The following EPAS1 variants were observed in gnomAD, a reference collection of about 807,000 sequenced individuals.
The protein encoded by EPAS1 is endothelial PAS domain protein 1.
EPAS1 carries 23 observed loss-of-function variants against 87.9 expected under a neutral mutation model. The observed-to-expected ratio is 0.26, with a 90% CI of 0.19 to 0.37. EPAS1 has a LOEUF of 0.37. Among genes scored for constraint, EPAS1 ranks in the 10% least tolerant of loss-of-function variants. The pLI, the probability that EPAS1 is intolerant of heterozygous loss-of-function variation, is 1.00. For synonymous variants in EPAS1, 508 were observed against 444.3 expected (o/e 1.14, Z -1.80); for missense variants, 1,138 against 1,120.7 (o/e 1.02, Z -0.22).
At chr2:46,299,604 T>G (rs1042692520) in intron 1 of EPAS1, among the ~76,000 whole-genome samples, 2 of 151,734 alleles carry the variant, frequency 1.3e-5, no homozygotes, top group Non-Finnish European at 2.9e-5. Context: ...GGAGGGAACT[T>G]GTGTATTTTA....
rs754354401 is a variant in EPAS1 at position 46,382,513 on chromosome 2, G to A, written c.2376G>A (p.Gly792=). 5.6e-6 allele frequency: 9 copies of A among 1,614,120 alleles called. No homozygotes were observed. Among genetic ancestry groups the A allele is most frequent in the Non-Finnish European group, 6.8e-6 (8 of 1,180,034 alleles). Residue 792 remains glycine, a synonymous_variant, in exon 15 of 16, where the codon GGG becomes GGA. Transcript: ENST00000263734. ...LPQPPSAISP[G]ENSKSRFPPQ... ...AGCCTCCATCTGCCATCAGTCCCGG[G>A]GAGAACAGCAAGAGCAGGTTCCCCC...
In EPAS1 at chr2:46,371,393, G is replaced by A. The variant is rs975687330; in HGVS notation, c.886+1460G>A. The stretch of plus-strand genomic sequence containing the variant: ...CTCTGCCTCTTCCTCATGGCTTTTG[G>A]GTTTGATTTGACAGTACAACAGGGC... On this transcript the variant is annotated intron_variant, in intron 7 of 15. Transcript: ENST00000263734. This position sits in a 1 kb window ranked among gnomAD's most constrained non-coding sequence, Gnocchi z 4.3. Among the ~76,000 whole-genome samples, 1 of 151,916 alleles carries A rather than the reference G, an allele frequency of 6.6e-6. No individual in the cohort carries two copies. The highest frequency in any genetic ancestry group is 6.6e-5 in the Admixed American group (1 of 15,252).
In EPAS1 at chr2:46,382,399, G is replaced by A. The variant is rs17035089; in HGVS notation, c.2288-26G>A. On this transcript the variant is annotated intron_variant, in intron 14 of 15. Transcript: ENST00000263734. ...TCCCCTCCCTCAGGCCAATGCTACC[G>A]TCACTCTCTGACTTTGGTCTTTCAG... 11,810 of 1,613,846 alleles carry A rather than the reference G, an allele frequency of 7.3e-3. 722 individuals are homozygous for A. In the African/African-American group the frequency reaches 0.14, roughly 19 times the overall value.
In EPAS1 at chr2:46,382,404, T is replaced by C. The variant is rs1307036789; in HGVS notation, c.2288-21T>C. Reference sequence around the variant, plus strand: ...TCCCTCAGGCCAATGCTACCGTCACTCTCTGACTTTGGTCTTTCAGATAAG... The same window carrying C: ...TCCCTCAGGCCAATGCTACCGTCACCCTCTGACTTTGGTCTTTCAGATAAG... On this transcript the variant is annotated intron_variant, in intron 14 of 15. Transcript: ENST00000263734. The C allele has an allele frequency of 2.5e-6, 4 of 1,613,852 alleles. No homozygotes were observed. The East Asian group carries it at 8.9e-5, about 36-fold the overall frequency.
In EPAS1 at chr2:46,339,525, T is replaced by C. The variant is rs372900783; in HGVS notation, c.27-7348T>C. On this transcript the variant is annotated intron_variant, in intron 1 of 15. Coordinates refer to ENST00000263734, the MANE Select transcript of EPAS1 (RefSeq NM_001430.5). ...CTTATCTCTAAAATGGGAATGATGG[T>C]AGCTGCTCTTCCTAGCCTACTGTGT... Among the ~76,000 whole-genome samples the C allele has an allele frequency of 3.6e-4, 55 of 152,368 alleles. 1 individual carries two copies. In the East Asian group the frequency reaches 6.0e-3, roughly 17 times the overall value.
In EPAS1 at chr2:46,360,957, G is replaced by A. The variant is rs944566257; in HGVS notation, c.646G>A (p.Glu216Lys). Residue 216 changes from glutamate (E) to lysine (K), a missense_variant, in exon 6 of 16, where the codon GAG becomes AAG. Glu to Lys is a moderately conservative substitution (Grantham distance 56). Coordinates refer to ENST00000263734, the MANE Select transcript of EPAS1 (RefSeq NM_001430.5). This position sits in a 1 kb window ranked among gnomAD's most constrained non-coding sequence, Gnocchi z 4.5. ...TCACAATAGTCTGTGTGGCTACAAG[G>A]AGCCCCTGCTGTCCTGCCTCATCAT... ...PPHNSLCGYK[E>K]PLLSCLIIMC... 1.2e-6 allele frequency: 2 copies of A among 1,614,160 alleles called. No individual in the cohort carries two copies. Among genetic ancestry groups the A allele is most frequent in the Non-Finnish European group, 1.7e-6 (2 of 1,180,028 alleles).
chr2:46,363,954 T>C (rs1301957314), intron 6 of EPAS1, among the ~76,000 whole-genome samples: 1 of 152,238 alleles, frequency 6.6e-6, no homozygotes, highest in African/African-American at 2.4e-5. Context: ...AGACAGTTGA[T>C]GAAGTGACTA....
intron 1 of EPAS1, among the ~76,000 whole-genome samples, chr2:46,330,162 A>G (rs1412695818): frequency 6.6e-6 from 1 of 152,192 alleles, no homozygotes; most frequent in African/African-American, 2.4e-5. Flanking sequence ...GCTTTAAATC[A>G]TGACAGAATC....
intron 1 of EPAS1, among the ~76,000 whole-genome samples, chr2:46,344,698 TGAAGGTTGGAAG>T (rs1247283622): frequency 6.6e-6 from 1 of 152,136 alleles, no homozygotes; most frequent in Non-Finnish European, 1.5e-5. Context: ...GTAGGTGTCC[TGAAGGTTGGAAG>T]TCAGGGAGAG....
chr2:46,327,655 A>C (rs1214358742), intron 1 of EPAS1, among the ~76,000 whole-genome samples: 1 of 152,264 alleles, frequency 6.6e-6, no homozygotes, highest in Admixed American at 6.5e-5. Context: ...TGGAAGCTAT[A>C]AAGAGGCTCA....
intron 1 of EPAS1, among the ~76,000 whole-genome samples, chr2:46,302,104 G>C (rs1296344409): frequency 9.2e-6 from 1 of 108,910 alleles, no homozygotes; most frequent in South Asian, 3.5e-4. Context: ...TACTTAGAAT[G>C]TCCCTCTTTC....
Position 46,376,750 on chromosome 2 carries a change from T to A in EPAS1, c.1246T>A (p.Phe416Ile), listed in dbSNP as rs1279019801. 6.2e-7 allele frequency: 1 copy of A among 1,611,880 alleles called. No homozygotes were observed. Among genetic ancestry groups the A allele is most frequent in the Admixed American group, 1.7e-5 (1 of 59,994 alleles). ...TPGDAIISLD[F>I]GNQNFEESSA... ...AGGAGACGCCATCATCTCTCTGGATTTCGGTGGGTGCTTCTTAGCTAAGCC... is the reference window on the plus strand; with the variant it reads ...AGGAGACGCCATCATCTCTCTGGATATCGGTGGGTGCTTCTTAGCTAAGCC... The change falls in exon 9 of 16, where the codon TTC becomes ATC. Residue 416 changes from phenylalanine (F) to isoleucine (I), a missense_variant. Phe to Ile is a conservative substitution (Grantham distance 21). Around this residue, in one of 4 missense-constraint regions of EPAS1, gnomAD observed 284 missense variants for 258.4 expected, o/e 1.10. Coordinates refer to ENST00000263734, the MANE Select transcript of EPAS1 (RefSeq NM_001430.5).
At chr2:46,303,812 C>A (rs1409153942) in intron 1 of EPAS1, among the ~76,000 whole-genome samples, 2 of 152,178 alleles carry the variant, frequency 1.3e-5, no homozygotes, top group Non-Finnish European at 2.9e-5. Context: ...TCAGAGTCTT[C>A]CTGTTCAGAT....
At chr2:46,382,305 G>T in intron 14 of EPAS1, 120 bp from the exon 15 acceptor site, 2 of 1,349,092 alleles carry the variant, frequency 1.5e-6, no homozygotes, top group East Asian at 2.3e-5. Context: ...GGTCCTGAAG[G>T]TTGGCTGTAG....
At chr2:46,366,737 C>T (rs1369772539) in intron 6 of EPAS1, among the ~76,000 whole-genome samples, 2 of 152,144 alleles carry the variant, frequency 1.3e-5, no homozygotes, top group South Asian at 2.1e-4. Context: ...AAAAATAGTT[C>T]CCTGGCCCCT....
intron 1 of EPAS1, among the ~76,000 whole-genome samples, chr2:46,310,680 T>A (rs1289454022): frequency 1.3e-5 from 2 of 152,194 alleles, no homozygotes; most frequent in Non-Finnish European, 2.9e-5. Flanking sequence ...ACACTTAAAG[T>A]CATACCTGAA....
intron 1 of EPAS1, among the ~76,000 whole-genome samples, chr2:46,340,092 A>C (rs1189898288): frequency 6.6e-6 from 1 of 152,178 alleles, no homozygotes; most frequent in Non-Finnish European, 1.5e-5. Flanking sequence ...GTGTACACAC[A>C]GCTTTTCCCA....
At chr2:46,341,976 T>TC (rs1446796911) in intron 1 of EPAS1, among the ~76,000 whole-genome samples, 2 of 151,888 alleles carry the variant, frequency 1.3e-5, no homozygotes, top group African/African-American at 2.4e-5. Context: ...CCCATCTGCC[T>TC]CCCCCCACCA....
In EPAS1 at chr2:46,360,717, C is replaced by A. The variant is rs761418476; in HGVS notation, c.534C>A (p.Asn178Lys). The stretch of plus-strand genomic sequence containing the variant: ...TGAGGATGAAGTGCACGGTCACCAA[C>A]AGAGGCCGTACTGTCAACCTCAAGT... ...FFMRMKCTVT[N>K]RGRTVNLKSA... The change falls in exon 5 of 16, where the codon AAC (asparagine) becomes AAA (lysine). Residue 178 changes from asparagine (N) to lysine (K), a missense_variant. By Grantham distance (94) the Asn-to-Lys change is moderately conservative. Coordinates refer to ENST00000263734, the MANE Select transcript of EPAS1 (RefSeq NM_001430.5). This position sits in a 1 kb window ranked among gnomAD's most constrained non-coding sequence, Gnocchi z 4.5. The A allele has an allele frequency of 6.2e-7, 1 of 1,614,056 alleles. No individual in the cohort carries two copies. Among genetic ancestry groups the A allele is most frequent in the Non-Finnish European group, 8.5e-7 (1 of 1,180,032 alleles).
Sources: allele counts gnomAD v4.1 joint callset (sites outside exome capture counted in the v4.1 genomes callset), GRCh38; gene constraint gnomAD v4.1.1; regional missense constraint gnomAD v4.1.1; non-coding constraint Gnocchi (gnomAD v3.1); transcripts MANE v1.5; gene names NCBI Gene and HGNC (gene_info 2026-07-23, HGNC 2026-07-21).